RCAN2: variants seen among roughly 807,000 people sequenced by gnomAD.
The protein encoded by RCAN2 is calcipressin-2.
A neutral mutation model predicts 23.6 loss-of-function variants in RCAN2; 9 were observed. The ratio of observed to expected loss-of-function variants is 0.38; its 90% CI spans 0.23 to 0.67. The LOEUF (loss-of-function observed/expected upper bound fraction) is 0.67. RCAN2 is among the 30% of genes least tolerant of loss of function. The pLI, the probability that RCAN2 is intolerant of heterozygous loss-of-function variation, is 0.51. For synonymous variants in RCAN2, 109 were observed against 115.7 expected (o/e 0.94, Z 0.37); for missense variants, 273 against 302.3 (o/e 0.90, Z 0.72).
chr6:46,469,430 AG>A (rs1768491018), intron 1 of RCAN2, among the ~76,000 whole-genome samples: 2 of 152,192 alleles, frequency 1.3e-5, no homozygotes, highest in South Asian at 4.1e-4. Context: ...ATCAGTGGCT[AG>A]GGCTCGTGGA....
intron 2 of RCAN2, among the ~76,000 whole-genome samples, chr6:46,305,815 A>G (rs1022894477): frequency 1.3e-5 from 2 of 152,022 alleles, no homozygotes; most frequent in East Asian, 3.9e-4. Flanking sequence ...TAGTTAAACC[A>G]ATTTAACATA....
chr6:46,388,877 T>C (rs1321836471), intron 2 of RCAN2, among the ~76,000 whole-genome samples: 2 of 152,116 alleles, frequency 1.3e-5, no homozygotes, highest in East Asian at 3.9e-4. Context: ...GACAGGTTGA[T>C]AGGTGCAGCA....
intron 2 of RCAN2, among the ~76,000 whole-genome samples, chr6:46,254,417 T>C (rs2150321903): frequency 6.6e-6 from 1 of 152,250 alleles, no homozygotes; most frequent in Non-Finnish European, 1.5e-5. Flanking sequence ...GAAGGTCAAA[T>C]AGGGTGAAGA....
chr6:46,242,023 A>G (rs1401432155), intron 4 of RCAN2, among the ~76,000 whole-genome samples: 2 of 152,180 alleles, frequency 1.3e-5, no homozygotes, highest in Non-Finnish European at 2.9e-5. Context: ...TATGCCTCTC[A>G]TAATTTTCGG....
At chr6:46,379,488 T>A (rs571533026) in intron 2 of RCAN2, among the ~76,000 whole-genome samples, 1 of 152,246 alleles carries the variant, frequency 6.6e-6, no homozygotes, top group South Asian at 2.1e-4. Flanking sequence ...TAAAATATAT[T>A]TTCTCTGTAA....
intron 2 of RCAN2, among the ~76,000 whole-genome samples, chr6:46,340,946 A>G (rs547643334): frequency 6.6e-6 from 1 of 152,342 alleles, no homozygotes; most frequent in Non-Finnish European, 1.5e-5. Flanking sequence ...AGGTAGCCAT[A>G]TCATTATTTG....
At chr6:46,339,014 C>CAAAAAAAAAAAAAAA (rs3997300) in intron 2 of RCAN2, among the ~76,000 whole-genome samples, 6 of 47,098 alleles carry the variant, frequency 1.3e-4, no homozygotes, top group Non-Finnish European at 1.4e-4. Flanking sequence ...GACCCTGTCT[C>CAAAAAAAAAAAAAAA]AAAAAAAAAA....
intron 2 of RCAN2, among the ~76,000 whole-genome samples, chr6:46,336,150 A>AGTAGGAGGGAAAGAAGTTG (rs1764134315): frequency 6.6e-6 from 1 of 152,244 alleles, no homozygotes; most frequent in African/African-American, 2.4e-5. Flanking sequence ...ACAGTTGGAA[A>AGTAGGAGGGAAAGAAGTTG]GCAGCAAAAG....
intron 2 of RCAN2, among the ~76,000 whole-genome samples, chr6:46,372,096 G>C (rs2150389397): frequency 6.6e-6 from 1 of 152,292 alleles, no homozygotes; most frequent in Non-Finnish European, 1.5e-5. Context: ...TAATTTAAAG[G>C]AACTACATGG....
At chr6:46,460,777 A>T (rs188151277) in intron 1 of RCAN2, among the ~76,000 whole-genome samples, 3 of 152,352 alleles carry the variant, frequency 2.0e-5, no homozygotes, top group Admixed American at 2.0e-4. Flanking sequence ...TGAATTATAT[A>T]AAAAAGAGTC....
In RCAN2 at chr6:46,461,947, T is replaced by G. The variant is rs114555202; in HGVS notation, c.-2-4969A>C. On this transcript the variant is annotated intron_variant, in intron 1 of 4. Transcript: ENST00000371374. ...CATGGCCTTGCCTACCTTACAGATC[T>G]ACATGAAAGTCTTTTGAAGGCCCCC... Among the ~76,000 whole-genome samples, 1,348 of 152,298 alleles carry G rather than the reference T, an allele frequency of 8.9e-3. 19 individuals are homozygous for G. Among genetic ancestry groups the G allele is most frequent in the African/African-American group, 0.031 (1,278 of 41,574 alleles).
chr6:46,315,544 G>C (rs1366556204), intron 2 of RCAN2, among the ~76,000 whole-genome samples: 1 of 152,130 alleles, frequency 6.6e-6, no homozygotes, highest in South Asian at 2.1e-4. Flanking sequence ...GGCAGGAAGT[G>C]GGGGTTAGAG....
rs752356015 is a variant in RCAN2 at position 46,395,478 on chromosome 6, C to A, written c.225+61274G>T. On this transcript the variant is annotated intron_variant, in intron 2 of 4. Coordinates refer to ENST00000371374, the MANE Select transcript of RCAN2 (RefSeq NM_001251974.2). ...ACCAATTCACAAATATAATCAAAGT[C>A]TTTTACTCCTTTCAAAATAAAATAA... Among the ~76,000 whole-genome samples the A allele has an allele frequency of 5.3e-5, 8 of 152,168 alleles. No individual in the cohort carries two copies. The East Asian group carries it at 5.8e-4, about 11-fold the overall frequency.
intron 3 of RCAN2, 76 bp downstream of exon 3, chr6:46,248,647 G>A: frequency 8.5e-7 from 1 of 1,172,370 alleles, no homozygotes; most frequent in South Asian, 1.7e-5. Flanking sequence ...AAAATAGAAA[G>A]GGCTTCATTT....
rs1427382749 is a variant in RCAN2, at chr6:46,456,938, T to C, written c.39A>G (p.Pro13=). Residue 13 remains proline (P), a synonymous_variant, in exon 2 of 5, where the codon CCA becomes CCG. Coordinates refer to ENST00000371374, the MANE Select transcript of RCAN2 (RefSeq NM_001251974.2). The part of the protein sequence containing the change: ...GESYFIGMRS[P]GQQGHVPEDG... ...CTTCAGGGACGTGTCCCTGCTGCCCTGGGCTCCTCATTCCGATGAAGTATG... is the reference window on the plus strand; with the variant it reads ...CTTCAGGGACGTGTCCCTGCTGCCCCGGGCTCCTCATTCCGATGAAGTATG... The C allele has an allele frequency of 6.4e-7, 1 of 1,550,878 alleles. No individual in the cohort carries two copies. Among genetic ancestry groups the C allele is most frequent in the African/African-American group, 1.4e-5 (1 of 73,188 alleles).
intron 2 of RCAN2, among the ~76,000 whole-genome samples, chr6:46,351,972 A>G (rs1454609778): frequency 6.6e-6 from 1 of 152,212 alleles, no homozygotes; most frequent in Non-Finnish European, 1.5e-5. Flanking sequence ...GATACCTTCC[A>G]TTAAGATGTA....
intron 2 of RCAN2, among the ~76,000 whole-genome samples, chr6:46,277,935 T>C (rs1767770355): frequency 6.6e-6 from 1 of 152,180 alleles, no homozygotes; most frequent in Admixed American, 6.5e-5. Flanking sequence ...TAGATGAACC[T>C]GACTTGACAT....
Position 46,337,185 on chromosome 6 carries a change from G to A in RCAN2, c.226-88289C>T, listed in dbSNP as rs1347856794. ...AAGCAAAAAAAATTAAAAAAAGAAG[G>A]GGAAGGATAAAAAATGAGATTACTT... is the stretch of plus-strand genomic sequence containing the variant. On this transcript the variant is annotated intron_variant, in intron 2 of 4. Transcript: ENST00000371374. 2.6e-5 allele frequency among the ~76,000 whole-genome samples: 4 copies of A among 151,980 alleles called. No homozygotes were observed. The South Asian group carries it at 8.3e-4, about 32-fold the overall frequency.
chr6:46,300,485 C>G (rs935565707), intron 2 of RCAN2, among the ~76,000 whole-genome samples: 6 of 151,940 alleles, frequency 3.9e-5, no homozygotes, highest in Non-Finnish European at 7.4e-5. Context: ...ATCTAAATCT[C>G]TTTAACTCTC....
Sources: gnomAD v4.1 joint callset for allele counts (sites outside exome capture counted in the v4.1 genomes callset) on GRCh38, gnomAD v4.1.1 for gene constraint, MANE v1.5 for transcripts, NCBI Gene and HGNC (gene_info 2026-07-23, HGNC 2026-07-21) for gene names.